Variants in ONECUT2 observed in about 807,000 individuals in gnomAD.
The protein encoded by ONECUT2 is one cut domain family member 2.
In ONECUT2, 10 loss-of-function variants were observed where a neutral mutation model predicts 27.9. The observed-to-expected ratio is 0.36, with a 90% CI of 0.22 to 0.61. ONECUT2 has a LOEUF of 0.61. Ranked by LOEUF, ONECUT2 falls within the 20% of genes least tolerant of loss-of-function variation. The pLI, the probability that ONECUT2 is intolerant of heterozygous loss-of-function variation, is 0.73. For synonymous variants in ONECUT2, 334 were observed against 315.1 expected, an observed-to-expected ratio of 1.06 and a Z score of -0.64; for missense variants, 686 against 721.0, an observed-to-expected ratio of 0.95 and a Z score of 0.56.
At chr18:57,444,465 G>A (rs984837245) in intron 1 of ONECUT2, 10 of 456,034 alleles carry the variant, frequency 2.2e-5, no homozygotes, top group African/African-American at 2.0e-4. Flanking sequence ...GTGATTGGCA[G>A]CCATTGGCAG....
At chr18:57,443,332 C>T (rs2050185973) in intron 1 of ONECUT2, among the ~76,000 whole-genome samples, 1 of 152,148 alleles carries the variant, frequency 6.6e-6, no homozygotes, top group Non-Finnish European at 1.5e-5. Flanking sequence ...ATCTAGACTC[C>T]CTGGGCTGTG....
chr18:57,451,163 T>C (rs1598934232), intron 1 of ONECUT2, among the ~76,000 whole-genome samples: 2 of 152,384 alleles, frequency 1.3e-5, no homozygotes, highest in East Asian at 3.9e-4. Flanking sequence ...TTTTTTACAG[T>C]TATGTTTTGA....
In ONECUT2 at chr18:57,435,903, G is replaced by GCCAGCC; in HGVS notation, c.196_201dup (p.Ser66_Pro67dup). The GCCAGCC allele has an allele frequency of 1.8e-6, 2 of 1,128,018 alleles. No individual in the cohort carries two copies. The highest frequency in any genetic ancestry group is 2.2e-6 in the Non-Finnish European group (2 of 924,024). The allele number at this position is 1,128,018 out of a possible 1,614,324, so 69.9% of individuals were successfully genotyped here. ...CCCGGGCCATGAGCAGGAGCTGCTG[G>GCCAGCC]CCAGCCCCAGCCCCCACCACGCGGG... is the stretch of plus-strand genomic sequence containing the variant. On this transcript the variant is annotated inframe_insertion, in exon 1 of 2. Transcript: ENST00000491143.
At chr18:57,474,949 C>T (rs1282768782) in intron 1 of ONECUT2, among the ~76,000 whole-genome samples, 7 of 152,140 alleles carry the variant, frequency 4.6e-5, no homozygotes, top group Non-Finnish European at 8.8e-5. Context: ...ATTCTGAGGG[C>T]GACTGCCCCA....
At chr18:57,474,731 C>T (rs865963554) in intron 1 of ONECUT2, among the ~76,000 whole-genome samples, 1 of 152,100 alleles carries the variant, frequency 6.6e-6, no homozygotes, top group Non-Finnish European at 1.5e-5. Context: ...ATTCAGACAC[C>T]GTAGCAGACC....
At position 57,436,635 on chromosome 18, in the gene ONECUT2, G is replaced by A; in HGVS notation, c.919G>A (p.Val307Met). The change falls in exon 1 of 2, where the codon GTG becomes ATG. Residue 307 changes from valine to methionine, a missense_variant. By Grantham distance (21) the Val-to-Met change is conservative. Coordinates refer to ENST00000491143, the MANE Select transcript of ONECUT2 (RefSeq NM_004852.3). The surrounding 1 kb of genome is among the most constrained non-coding windows in gnomAD (Gnocchi z 5.9). ...HPGHTQSHGP[V>M]LAPSRERPPS... ...GGGCCACACTCAGTCTCACGGGCCG[G>A]TGCTGGCACCCAGTCGCGAGCGGCC... 2 of 1,611,904 alleles carry A rather than the reference G, an allele frequency of 1.2e-6. No homozygotes were observed. The highest frequency in any genetic ancestry group is 1.7e-6 in the Non-Finnish European group (2 of 1,179,902).
rs2050391304 is a variant in ONECUT2 at position 57,477,641 on chromosome 18, G to A, written c.*918G>A. The A allele has an allele frequency of 2.0e-5, 3 of 152,630 alleles. No homozygotes were observed. The highest frequency in any genetic ancestry group is 7.2e-5 in the African/African-American group (3 of 41,442). 9.5% of individuals were successfully genotyped at this position (152,630 alleles called of 1,614,324 possible). A position where few individuals can be genotyped will look rare whatever the true frequency, so the allele number is the denominator to read the frequency against. ...TGCTACAAATTCTGTTGTACATAAT[G>A]CAGACGCACACTCAGGAGGCCAATT... On this transcript the variant is annotated 3_prime_UTR_variant, in exon 2 of 2. Coordinates refer to ENST00000491143, the MANE Select transcript of ONECUT2 (RefSeq NM_004852.3).
rs562330 is a variant in ONECUT2, at chr18:57,479,450, A to G, written c.*2727A>G. The G allele has an allele frequency of 0.87, 132,131 of 152,602 alleles. 58,835 individuals carry two copies. The highest frequency in any genetic ancestry group is 0.99 in the Non-Finnish European group (67,118 of 68,036). 9.5% of individuals were successfully genotyped at this position (152,602 alleles called of 1,614,324 possible). On this transcript the variant is annotated 3_prime_UTR_variant, in exon 2 of 2. Coordinates refer to ENST00000491143, the MANE Select transcript of ONECUT2 (RefSeq NM_004852.3). ...TGGTCCAGTGCTTCATTTGCTAAGTATTCGGTTCAGAATTTTTCTCATTTC... is the reference window on the plus strand; with the variant it reads ...TGGTCCAGTGCTTCATTTGCTAAGTGTTCGGTTCAGAATTTTTCTCATTTC...
chr18:57,450,725 C>T (rs888038250), intron 1 of ONECUT2, among the ~76,000 whole-genome samples: 20 of 152,058 alleles, frequency 1.3e-4, no homozygotes, highest in African/African-American at 4.6e-4. Flanking sequence ...TATTTTAAGT[C>T]ATTTTAATTA....
chr18:57,480,622 A>T lies in ONECUT2; in HGVS notation c.*3899A>T, dbSNP rs2050410753. ...AATTTCTCTCCAAGGAGCTTTAATAAATGTCTCATTCCAGATAATGTCATA... is the reference window on the plus strand; with the variant it reads ...AATTTCTCTCCAAGGAGCTTTAATATATGTCTCATTCCAGATAATGTCATA... On this transcript the variant is annotated 3_prime_UTR_variant, in exon 2 of 2. Coordinates refer to ENST00000491143, the MANE Select transcript of ONECUT2 (RefSeq NM_004852.3). The T allele has an allele frequency of 6.6e-6, 1 of 152,004 alleles. No individual in the cohort carries two copies. The highest frequency in any genetic ancestry group is 2.1e-4 in the South Asian group (1 of 4,832). The allele number at this position is 152,004 out of a possible 1,614,324, so 9.4% of individuals were successfully genotyped here.
Position 57,476,536 on chromosome 18 carries a change from C to A in ONECUT2, c.1328C>A (p.Ala443Asp). Residue 443 changes from alanine (A) to aspartate (D), a missense_variant, in exon 2 of 2, where the codon GCC becomes GAC. This residue lies in a region of ONECUT2 where 77 missense variants were observed against 105.5 expected (regional missense o/e 0.73). Transcript: ENST00000491143. The part of the protein sequence containing the change: ...FTDLQRRTLF[A>D]IFKENKRPSK... Reference sequence around the variant, plus strand: ...GACCTCCAACGCCGAACACTCTTCGCCATCTTCAAGGAGAACAAACGCCCG... The same window carrying A: ...GACCTCCAACGCCGAACACTCTTCGACATCTTCAAGGAGAACAAACGCCCG... 1 of 1,614,204 alleles carries A rather than the reference C, an allele frequency of 6.2e-7. No individual in the cohort carries two copies. The highest frequency in any genetic ancestry group is 2.2e-5 in the East Asian group (1 of 44,882).
intron 1 of ONECUT2, among the ~76,000 whole-genome samples, chr18:57,440,000 C>G (rs772825720): frequency 6.6e-6 from 1 of 152,212 alleles, no homozygotes; most frequent in Non-Finnish European, 1.5e-5. Flanking sequence ...CCTGCCCAGC[C>G]TGCCGGTGTA....
intron 1 of ONECUT2, among the ~76,000 whole-genome samples, chr18:57,462,771 GC>G (rs2122132819): frequency 1.3e-5 from 1 of 76,494 alleles, no homozygotes; most frequent in South Asian, 4.3e-4. Flanking sequence ...TGCTCTTGTT[GC>G]CCAGGCTGGA....
Position 57,476,640 on chromosome 18 carries a change from C to T in ONECUT2, c.1432C>T (p.Arg478Trp), listed in dbSNP as rs1354857596. ...TTVSNFFMNA[R>W]RRSLEKWQDD... ...CGTCAGCAACTTCTTCATGAACGCCCGGCGCCGCAGCCTGGAGAAGTGGCA... is the reference window on the plus strand; with the variant it reads ...CGTCAGCAACTTCTTCATGAACGCCTGGCGCCGCAGCCTGGAGAAGTGGCA... Residue 478 changes from arginine to tryptophan, a missense_variant, in exon 2 of 2, where the codon CGG (arginine) becomes TGG (tryptophan). Arg to Trp is a moderately radical substitution (Grantham distance 101). Around this residue, in one of 4 missense-constraint regions of ONECUT2, gnomAD observed 77 missense variants for 105.5 expected, o/e 0.73. Coordinates refer to ENST00000491143, the MANE Select transcript of ONECUT2 (RefSeq NM_004852.3). 6 of 1,614,076 alleles carry T rather than the reference C, an allele frequency of 3.7e-6. No individual in the cohort carries two copies. Among genetic ancestry groups the T allele is most frequent in the Non-Finnish European group, 5.1e-6 (6 of 1,180,042 alleles).
chr18:57,458,100 A>G (rs1340111583), intron 1 of ONECUT2, among the ~76,000 whole-genome samples: 2 of 152,202 alleles, frequency 1.3e-5, no homozygotes, highest in South Asian at 2.1e-4. Flanking sequence ...GTGCACATGT[A>G]CCCTAGAATT....
At chr18:57,456,215 C>T (rs187622295) in intron 1 of ONECUT2, among the ~76,000 whole-genome samples, 1 of 152,120 alleles carries the variant, frequency 6.6e-6, no homozygotes, top group Non-Finnish European at 1.5e-5. Context: ...ATCACATGAC[C>T]CAGAAATACC....
At chr18:57,475,464 T>C (rs2050377104) in intron 1 of ONECUT2, among the ~76,000 whole-genome samples, 1 of 151,726 alleles carries the variant, frequency 6.6e-6, no homozygotes, top group South Asian at 2.1e-4. Flanking sequence ...GTCTGTGAAG[T>C]GTACAGATTC....
chr18:57,482,196 C>T lies in ONECUT2; in HGVS notation c.*5473C>T, dbSNP rs1369899446. 6 of 152,160 alleles carry T rather than the reference C, an allele frequency of 3.9e-5. No homozygotes were observed. The highest frequency in any genetic ancestry group is 1.4e-4 in the African/African-American group (6 of 41,436). The allele number at this position is 152,160 out of a possible 1,614,324, so 9.4% of individuals were successfully genotyped here. Reference sequence around the variant, plus strand: ...TGATGTTGATTTTAAATATGGATGTCTCAATGCCTGTTTTCTATCAATGAT... The same window carrying T: ...TGATGTTGATTTTAAATATGGATGTTTCAATGCCTGTTTTCTATCAATGAT... On this transcript the variant is annotated 3_prime_UTR_variant, in exon 2 of 2. Coordinates refer to ENST00000491143, the MANE Select transcript of ONECUT2 (RefSeq NM_004852.3).
chr18:57,463,235 T>G (rs2849421), intron 1 of ONECUT2, among the ~76,000 whole-genome samples: 1 of 152,130 alleles, frequency 6.6e-6, no homozygotes, highest in Middle Eastern at 3.2e-3. Context: ...TGTCATTGAA[T>G]CCAGTGTCCA....
Sources: allele counts gnomAD v4.1 joint callset (sites outside exome capture counted in the v4.1 genomes callset), GRCh38; gene constraint gnomAD v4.1.1; regional missense constraint gnomAD v4.1.1; non-coding constraint Gnocchi (gnomAD v3.1); transcripts MANE v1.5; gene names NCBI Gene and HGNC (gene_info 2026-07-23, HGNC 2026-07-21).